HECW2: variants seen among roughly 807,000 people sequenced by gnomAD.
HECW2 encodes E3 ubiquitin-protein ligase HECW2.
HECW2 carries 61 observed loss-of-function variants against 175.2 expected under a neutral mutation model. That is an observed-to-expected ratio of 0.35 (90% CI 0.28 to 0.43). The LOEUF (loss-of-function observed/expected upper bound fraction) is 0.43, where lower values mean the gene tolerates loss of function less well. Among genes scored for constraint, HECW2 ranks in the 20% least tolerant of loss-of-function variants. The pLI, the probability that HECW2 is intolerant of heterozygous loss-of-function variation, is 1.00. For synonymous variants in HECW2, 671 were observed against 731.0 expected, an observed-to-expected ratio of 0.92 and a Z score of 1.32; for missense variants, 1,524 against 2,000.5, an observed-to-expected ratio of 0.76 and a Z score of 4.54.
chr2:196,545,938 C>A (rs1689405840), intron 1 of HECW2, among the ~76,000 whole-genome samples: 1 of 152,178 alleles, frequency 6.6e-6, no homozygotes, highest in African/African-American at 2.4e-5. Context: ...CTTACAGTAG[C>A]AAAATGACAC....
chr2:196,246,974 G>A (rs1688669972), intron 19 of HECW2, among the ~76,000 whole-genome samples: 1 of 152,106 alleles, frequency 6.6e-6, no homozygotes. Flanking sequence ...TAAAATTATA[G>A]TAAATTGGCT....
intron 1 of HECW2, among the ~76,000 whole-genome samples, chr2:196,549,325 A>G (rs1460457129): frequency 6.6e-6 from 1 of 152,122 alleles, no homozygotes. Flanking sequence ...AGGTCTCACT[A>G]TCGTTACTTT....
chr2:196,432,192 T>A (rs1695733652), intron 2 of HECW2, among the ~76,000 whole-genome samples: 1 of 152,042 alleles, frequency 6.6e-6, no homozygotes, highest in South Asian at 2.1e-4. Context: ...GGCTAAGAAG[T>A]ACTGCCATAA....
Position 196,306,464 on chromosome 2 carries a change from C to T in HECW2, c.2814+24G>A, listed in dbSNP as rs115718448. The T allele has an allele frequency of 5.0e-6, 8 of 1,589,978 alleles. No individual in the cohort carries two copies. The African/African-American group carries it at 5.4e-5, about 11-fold the overall frequency. ...TGCTTTGGCCTGCTGTTTTCCTTCA[C>T]ACTCTTTCAGATTCGCTACTCACAG... is the stretch of plus-strand genomic sequence containing the variant. On this transcript the variant is annotated intron_variant, in intron 13 of 28. Coordinates refer to ENST00000644978, the MANE Select transcript of HECW2 (RefSeq NM_001348768.2).
intron 13 of HECW2, among the ~76,000 whole-genome samples, chr2:196,293,261 T>A (rs1559016813): frequency 6.6e-6 from 1 of 152,220 alleles, no homozygotes; most frequent in Non-Finnish European, 1.5e-5. Context: ...TGTTTGGTTT[T>A]CTGTTCCTGT....
At chr2:196,552,309 C>T (rs1209702515) in intron 1 of HECW2, among the ~76,000 whole-genome samples, 2 of 152,188 alleles carry the variant, frequency 1.3e-5, no homozygotes, top group South Asian at 4.1e-4. Flanking sequence ...TTTATATTCT[C>T]CCAACAAAGT....
intron 19 of HECW2, among the ~76,000 whole-genome samples, chr2:196,250,070 T>G (rs1688799648): frequency 6.6e-6 from 1 of 152,158 alleles, no homozygotes; most frequent in South Asian, 2.1e-4. Context: ...GTGCATGCCT[T>G]TAAAGAGCAC....
chr2:196,527,022 GGCT>G (rs1411729490), intron 1 of HECW2, among the ~76,000 whole-genome samples: 1 of 150,162 alleles, frequency 6.7e-6, no homozygotes, highest in Non-Finnish European at 1.5e-5. Flanking sequence ...GGAGCTTCCC[GGCT>G]GCTTTGTTTA....
intron 1 of HECW2, among the ~76,000 whole-genome samples, chr2:196,568,891 T>G (rs746587942): frequency 1.3e-5 from 2 of 152,282 alleles, no homozygotes; most frequent in South Asian, 4.2e-4. Flanking sequence ...ATCCCCAGCA[T>G]CCACAATTAA....
chr2:196,376,747 A>G (rs950309626), intron 2 of HECW2, among the ~76,000 whole-genome samples: 3 of 152,068 alleles, frequency 2.0e-5, no homozygotes, highest in African/African-American at 4.8e-5. Flanking sequence ...CAGCCTGACC[A>G]ATACGATGAA....
At chr2:196,578,942 GATAA>G (rs1375023767) in intron 1 of HECW2, among the ~76,000 whole-genome samples, 1 of 150,374 alleles carries the variant, frequency 6.7e-6, no homozygotes. Flanking sequence ...ACACAGAGAA[GATAA>G]ATATATTTAT....
At chr2:196,472,821 A>C (rs2125354848) in intron 1 of HECW2, among the ~76,000 whole-genome samples, 1 of 152,244 alleles carries the variant, frequency 6.6e-6, no homozygotes, top group South Asian at 2.1e-4. Flanking sequence ...GGGTTTCGCC[A>C]TGTTGGCCAG....
chr2:196,508,113 C>G (rs148393967), intron 1 of HECW2, among the ~76,000 whole-genome samples: 1 of 152,324 alleles, frequency 6.6e-6, no homozygotes, highest in African/African-American at 2.4e-5. Flanking sequence ...TTTTATCCCT[C>G]TGCAACTGTC....
In HECW2 at chr2:196,201,274, A is replaced by G. The variant is rs1010360843; in HGVS notation, c.*3T>C. On this transcript the variant is annotated 3_prime_UTR_variant, in exon 29 of 29. Coordinates refer to ENST00000644978, the MANE Select transcript of HECW2 (RefSeq NM_001348768.2). ...CCACAGAGATGGGCATTCAGCTTCC[A>G]GGTCACTCAAGTCCAAAAGTACTGG... 1.9e-6 allele frequency: 3 copies of G among 1,592,648 alleles called. No individual in the cohort carries two copies. The highest frequency in any genetic ancestry group is 2.6e-6 in the Non-Finnish European group (3 of 1,160,528).
intron 2 of HECW2, among the ~76,000 whole-genome samples, chr2:196,357,332 G>A (rs541688296): frequency 3.6e-5 from 3 of 82,570 alleles, no homozygotes; most frequent in African/African-American, 1.2e-4. Context: ...GGGCTTGGGC[G>A]GGGGGGCGGC....
chr2:196,273,965 C>A, intron 16 of HECW2, 56 bp downstream of exon 16: 1 of 1,273,776 alleles, frequency 7.9e-7, no homozygotes. Flanking sequence ...GCACAGTGTA[C>A]ATGGTACAGA....
intron 17 of HECW2, among the ~76,000 whole-genome samples, chr2:196,268,410 TA>T (rs11385961): frequency 6.6e-6 from 1 of 151,384 alleles, no homozygotes; most frequent in East Asian, 1.9e-4. Flanking sequence ...TAGATGCCAC[TA>T]AAAAAAAATC....
rs535434063 is a variant in HECW2 at position 196,438,357 on chromosome 2, T to G, written c.-35-4899A>C. On this transcript the variant is annotated intron_variant, in intron 1 of 28. Coordinates refer to ENST00000644978, the MANE Select transcript of HECW2 (RefSeq NM_001348768.2). ...AGATGAAAATTTTAATAACATTTTA[T>G]TTAACTCACTATAGCCAAACTTATT... Among the ~76,000 whole-genome samples, 23 of 152,368 alleles carry G rather than the reference T, an allele frequency of 1.5e-4. No individual in the cohort carries two copies. The South Asian group carries it at 2.9e-3, about 19-fold the overall frequency.
At chr2:196,287,711 T>G (rs575527814) in intron 14 of HECW2, among the ~76,000 whole-genome samples, 2 of 152,244 alleles carry the variant, frequency 1.3e-5, no homozygotes, top group African/African-American at 4.8e-5. Flanking sequence ...GTAATTCATA[T>G]GTGTCTCTTG....
Sources: allele counts gnomAD v4.1 joint callset (sites outside exome capture counted in the v4.1 genomes callset), GRCh38; gene constraint gnomAD v4.1.1; transcripts MANE v1.5; gene names NCBI Gene and HGNC (gene_info 2026-07-23, HGNC 2026-07-21).